Variants in SNRPN observed in about 807,000 individuals in gnomAD.
SNRPN encodes small nuclear ribonucleoprotein-associated protein N.
SNRPN carries 7 observed loss-of-function variants against 25.2 expected under a neutral mutation model. The observed-to-expected ratio is 0.28, with a 90% CI of 0.16 to 0.52. The LOEUF (loss-of-function observed/expected upper bound fraction) is 0.52. Among genes scored for constraint, SNRPN ranks in the 20% least tolerant of loss-of-function variants. SNRPN has a pLI of 0.96. For missense variants in SNRPN, 196 were observed against 322.5 expected (o/e 0.61, Z 3.00); for synonymous variants, 124 against 110.6 (o/e 1.12, Z -0.76).
At chr15:24,922,802 A>G (rs964260584) in intron 3 of SNRPN, among the ~76,000 whole-genome samples, 28 of 146,722 alleles carry the variant, frequency 1.9e-4, no homozygotes, top group Non-Finnish European at 3.7e-4. Context: ...CTCACTGTGT[A>G]TGTATACAGA....
intron 1 of SNRPN, among the ~76,000 whole-genome samples, chr15:24,861,565 C>A (rs1360917920): frequency 6.6e-6 from 1 of 152,166 alleles, no homozygotes; most frequent in Non-Finnish European, 1.5e-5. Context: ...TTTAGAAACA[C>A]TGTAAACTAA....
chr15:24,910,857 G>A, intron 2 of SNRPN: 1 of 585,464 alleles, frequency 1.7e-6, no homozygotes, highest in South Asian at 2.5e-5. Flanking sequence ...CACTCATCTT[G>A]ATTCAGGGTG....
chr15:24,830,582 C>A (rs60443640), intron 2 of SNRPN, among the ~76,000 whole-genome samples: 6,808 of 152,030 alleles, frequency 0.045, 493 homozygotes, highest in African/African-American at 0.15. Context: ...CTGTAATTTT[C>A]CTCTAAGCTT....
rs890124152 is a variant in SNRPN, at chr15:24,832,051, G to GT, written c.-579+2157dup. ...TGCTCGATCAAAGGGTAATTCTATT[G>GT]TTTTTTTTTTTAGGATCCTTCACAA... On this transcript the variant is annotated intron_variant, in intron 2 of 12. Coordinates refer to the SNRPN transcript ENST00000400100. 7.5e-3 allele frequency among the ~76,000 whole-genome samples: 1,058 copies of GT among 141,400 alleles called. 10 individuals are homozygous for GT. Among genetic ancestry groups the GT allele is most frequent in the African/African-American group, 0.013 (493 of 38,548 alleles). 92.8% of individuals were successfully genotyped at this position (141,400 alleles called of 152,430 possible). A position where few individuals can be genotyped will look rare whatever the true frequency, so the allele number is the denominator to read the frequency against.
At chr15:24,970,644 AT>A (rs1447494721) in intron 3 of SNRPN, among the ~76,000 whole-genome samples, 13 of 152,190 alleles carry the variant, frequency 8.5e-5, no homozygotes, top group Admixed American at 8.5e-4. Flanking sequence ...CAGGGTACAT[AT>A]CCAACTGGAT....
chr15:24,936,811 G>A (rs994276858), intron 3 of SNRPN, among the ~76,000 whole-genome samples: 4 of 152,098 alleles, frequency 2.6e-5, no homozygotes, highest in African/African-American at 4.8e-5. Flanking sequence ...CAACATTGGG[G>A]ATTACAATTT....
chr15:24,827,360 A>G (rs1045896495), intron 1 of SNRPN, among the ~76,000 whole-genome samples: 2 of 151,358 alleles, frequency 1.3e-5, no homozygotes, highest in Non-Finnish European at 2.9e-5. Flanking sequence ...TAAAAATACA[A>G]AAAAGTTAGT....
At position 24,978,561 on chromosome 15, in the gene SNRPN, T is replaced by C. The variant is rs1225881679; in HGVS notation, c.*117T>C. The C allele has an allele frequency of 3.2e-6, 3 of 928,758 alleles. No individual in the cohort carries two copies. The highest frequency in any genetic ancestry group is 5.3e-6 in the Non-Finnish European group (3 of 570,408). 57.5% of individuals were successfully genotyped at this position (928,758 alleles called of 1,614,324 possible). A position where few individuals can be genotyped will look rare whatever the true frequency, so the allele number is the denominator to read the frequency against. ...TGCATTAATAATAGCTAATAATAAA[T>C]GCATAGAGCAATTAAACTGTGAGGT... On this transcript the variant is annotated 3_prime_UTR_variant, in exon 10 of 10. Coordinates refer to ENST00000390687, the MANE Select transcript of SNRPN (RefSeq NM_003097.6).
intron 3 of SNRPN, among the ~76,000 whole-genome samples, chr15:24,927,686 GC>G (rs1272854223): frequency 1.3e-5 from 2 of 151,418 alleles, no homozygotes; most frequent in African/African-American, 4.9e-5. Context: ...TTCTTCATTT[GC>G]CCCAATAATG....
Position 24,860,354 on chromosome 15 carries a change from G to C in SNRPN, c.-579+3638G>C, listed in dbSNP as rs549506303. The stretch of plus-strand genomic sequence containing the variant: ...ACTGGTATTTATTTAGTGAAGAAAA[G>C]AGATAAGGTGATTCCCAAATTTAAA... On this transcript the variant is annotated intron_variant, in intron 1 of 11. Transcript: ENST00000400097. 2.6e-4 allele frequency among the ~76,000 whole-genome samples: 39 copies of C among 152,242 alleles called. 2 individuals are homozygous for C. The South Asian group carries it at 6.4e-3, about 25-fold the overall frequency.
chr15:24,894,733 C>T (rs1388475535), intron 2 of SNRPN, among the ~76,000 whole-genome samples: 1 of 152,172 alleles, frequency 6.6e-6, no homozygotes, highest in Non-Finnish European at 1.5e-5. Context: ...GAACTACTGA[C>T]AGAGATCTGG....
upstream of SNRPN, chr15:24,856,455 C>G (rs1052291021): frequency 6.6e-6 from 1 of 152,254 alleles, no homozygotes; most frequent in Admixed American, 6.5e-5. Flanking sequence ...GGCAGAAACC[C>G]CTGCAGACAT....
chr15:24,887,477 TTGTCTC>T (rs2057295814), intron 2 of SNRPN, among the ~76,000 whole-genome samples: 1 of 151,476 alleles, frequency 6.6e-6, no homozygotes, highest in Non-Finnish European at 1.5e-5. Flanking sequence ...GAGTTGAACT[TTGTCTC>T]TGGCCATGAG....
intron 2 of SNRPN, among the ~76,000 whole-genome samples, chr15:24,919,515 A>G (rs74003510): frequency 0.015 from 2,312 of 152,170 alleles, 59 homozygotes; most frequent in African/African-American, 0.052. Flanking sequence ...CTCTGCAGAT[A>G]GAGATTGGGC....
chr15:24,937,389 A>G (rs1479788548), intron 3 of SNRPN, among the ~76,000 whole-genome samples: 2 of 152,066 alleles, frequency 1.3e-5, no homozygotes, highest in Non-Finnish European at 2.9e-5. Context: ...CAAAAACAAA[A>G]CAGGCATGGT....
At chr15:24,828,989 A>G (rs1248969836) in intron 1 of SNRPN, among the ~76,000 whole-genome samples, 1 of 152,036 alleles carries the variant, frequency 6.6e-6, no homozygotes, top group Admixed American at 6.6e-5. Context: ...GGAAAAAAAG[A>G]AACATGTTCA....
chr15:24,901,325 C>T (rs1275723749), intron 2 of SNRPN, among the ~76,000 whole-genome samples: 1 of 152,260 alleles, frequency 6.6e-6, no homozygotes, highest in African/African-American at 2.4e-5. Flanking sequence ...TTGGTGGTAG[C>T]TAACTGATCA....
intron 2 of SNRPN, among the ~76,000 whole-genome samples, chr15:24,898,616 A>C (rs35726691): frequency 0.28 from 41,921 of 151,952 alleles, 6,172 homozygotes; most frequent in East Asian, 0.49. Flanking sequence ...TATTGAAAGT[A>C]TAAAGGGGTG....
At chr15:24,966,021 A>G (rs569668571) in intron 2 of SNRPN, among the ~76,000 whole-genome samples, 14 of 152,280 alleles carry the variant, frequency 9.2e-5, no homozygotes, top group East Asian at 5.8e-4. Flanking sequence ...AAAGTAGACT[A>G]TGAATTAGAG....
Sources: allele counts gnomAD v4.1 joint callset (sites outside exome capture counted in the v4.1 genomes callset), GRCh38; gene constraint gnomAD v4.1.1; transcripts MANE v1.5; gene names NCBI Gene and HGNC (gene_info 2026-07-23, HGNC 2026-07-21).